The following DUOX2 variants were observed in gnomAD, a reference collection of about 807,000 sequenced individuals.
The protein encoded by DUOX2 is dual oxidase 2, also known as NADH/NADPH thyroid oxidase p138-tox.
Under a neutral mutation model 183.3 loss-of-function variants are expected in DUOX2, and 185 were observed. The observed-to-expected ratio is 1.01, with a 90% CI of 0.90 to 1.14. The LOEUF (loss-of-function observed/expected upper bound fraction) is 1.14. DUOX2 is among the 50% of genes most tolerant of loss of function. DUOX2 has a pLI of 0.00. For synonymous variants in DUOX2, 788 were observed against 812.4 expected (o/e 0.97, Z 0.51); for missense variants, 1,999 against 2,022.9 (o/e 0.99, Z 0.23).
In DUOX2 at chr15:45,099,391, C is replaced by G. The variant is rs1003699344; in HGVS notation, c.3507G>C (p.Val1169=). Residue 1169 remains valine, a synonymous_variant, in exon 26 of 34, where the codon GTG becomes GTC. Transcript: ENST00000389039. ...CCATCCCCAGAACTGACCCATCATT[C>G]ACAAAGACGTTGGGGAATATGCAGG... is the stretch of plus-strand genomic sequence containing the variant. ...LLACIFPNVF[V]NDGSKLPQKF... is the part of the protein sequence containing the mutation. 16 of 1,613,746 alleles carry G rather than the reference C, an allele frequency of 9.9e-6. No individual in the cohort carries two copies. The highest frequency in any genetic ancestry group is 8.5e-7 in the Non-Finnish European group (1 of 1,179,808).
At chr15:45,099,594 C>T in intron 25 of DUOX2, 68 bp downstream of exon 25, 2 of 1,594,978 alleles carry the variant, frequency 1.3e-6, no homozygotes, top group East Asian at 2.2e-5. Flanking sequence ...AGTTCCATCT[C>T]CCCACTGTTT....
At position 45,095,097 on chromosome 15, in the gene DUOX2, G is replaced by A; in HGVS notation, c.4240-6C>T. ...GTCACCCAGATGAAGTAGATCTGGG[G>A]ACACAGGGCTGGAGATCAGGACCCA... On this transcript the variant is annotated splice_region_variant and splice_polypyrimidine_tract_variant and intron_variant, in intron 31 of 33. Transcript: ENST00000389039. 6.2e-7 allele frequency: 1 copy of A among 1,613,106 alleles called. No homozygotes were observed. The highest frequency in any genetic ancestry group is 2.2e-5 in the East Asian group (1 of 44,876).
At chr15:45,097,891 C>T (rs1893948678) in intron 27 of DUOX2, 118 bp downstream of exon 27, 2 of 1,545,140 alleles carry the variant, frequency 1.3e-6, no homozygotes, top group Non-Finnish European at 1.8e-6. Context: ...TGAGCTGGGG[C>T]TTGTCCTGAA....
intron 14 of DUOX2, 110 bp from the exon 15 acceptor site, chr15:45,107,079 C>A: frequency 6.8e-7 from 1 of 1,474,588 alleles, no homozygotes; most frequent in Non-Finnish European, 9.3e-7. Flanking sequence ...CTTCCCCAGG[C>A]CCACCTCCCT....
chr15:45,101,126 G>C (rs919996291), intron 22 of DUOX2, 79 bp downstream of exon 22: 10 of 1,324,244 alleles, frequency 7.6e-6, no homozygotes, highest in Middle Eastern at 4.0e-4. Context: ...ACCAGGGGCT[G>C]ATCAGCCAGT....
rs1894089622 is a variant in DUOX2 at position 45,101,840 on chromosome 15, A to G, written c.2804T>C (p.Leu935Pro). The change falls in exon 21 of 34, where the codon CTC (leucine) becomes CCC (proline). Residue 935 changes from leucine to proline, a missense_variant. By Grantham distance (98) the Leu-to-Pro change is moderately conservative. Around this residue, in one of 3 missense-constraint regions of DUOX2, gnomAD observed 1,628 missense variants for 1,608.6 expected, o/e 1.01. Transcript: ENST00000389039. ...HFMLRDHDSE[L>P]RFTQLCVKGG... ...TTTGACACAGAGCTGCGTGAAGCGGAGCTCGCTGTCATGGTCCCGCAGCAT... is the reference window on the plus strand; with the variant it reads ...TTTGACACAGAGCTGCGTGAAGCGGGGCTCGCTGTCATGGTCCCGCAGCAT... 6.2e-7 allele frequency: 1 copy of G among 1,614,038 alleles called. No homozygotes were observed. Among genetic ancestry groups the G allele is most frequent in the South Asian group, 1.1e-5 (1 of 91,084 alleles).
rs190599 is a variant in DUOX2 at position 45,107,269 on chromosome 15, A to G, written c.1693+76T>C. On this transcript the variant is annotated intron_variant, in intron 14 of 33. Coordinates refer to ENST00000389039, the MANE Select transcript of DUOX2 (RefSeq NM_001363711.2). ...GTGCCTGGCTCCCTGGACAGCACCA[A>G]GTGATTCCCCCGCACCCTCAATCTT... 0.91 allele frequency: 1,433,088 copies of G among 1,574,682 alleles called. 655,794 individuals are homozygous for G. The highest frequency in any genetic ancestry group is 0.94 in the East Asian group (42,157 of 44,620).
rs769007578 is a variant in DUOX2 at position 45,097,343 on chromosome 15, T to A, written c.3742A>T (p.Ile1248Phe). 1 of 1,614,112 alleles carries A rather than the reference T, an allele frequency of 6.2e-7. No individual in the cohort carries two copies. Among genetic ancestry groups the A allele is most frequent in the African/African-American group, 1.3e-5 (1 of 74,940 alleles). ...YALIQLPTFH[I>F]YFLVPAIIYG... Reference sequence around the variant, plus strand: ...ATGATTGCCGGGACCAGGAAGTAGATGTGGAAAGTGGGCAGCTGGATCAGA... The same window carrying A: ...ATGATTGCCGGGACCAGGAAGTAGAAGTGGAAAGTGGGCAGCTGGATCAGA... Residue 1248 changes from isoleucine to phenylalanine, a missense_variant, in exon 29 of 34, where the codon ATC (isoleucine) becomes TTC (phenylalanine). Coordinates refer to ENST00000389039, the MANE Select transcript of DUOX2 (RefSeq NM_001363711.2).
chr15:45,100,934 T>C (rs1184068180), intron 22 of DUOX2, 96 bp from the exon 23 acceptor site: 4 of 843,662 alleles, frequency 4.7e-6, no homozygotes, highest in Admixed American at 4.0e-5. Context: ...GAGTGGCTCC[T>C]GGTACCAGGC....
Position 45,095,434 on chromosome 15 carries a change from C to A in DUOX2, c.4239+3G>T, listed in dbSNP as rs377517657. Reference sequence around the variant, plus strand: ...ATTTGATGAATGAGGGAGGGATGCTCACCTTCTTACACAGCATTTGGCTGC... The same window carrying A: ...ATTTGATGAATGAGGGAGGGATGCTAACCTTCTTACACAGCATTTGGCTGC... On this transcript the variant is annotated splice_donor_region_variant and intron_variant, in intron 31 of 33. Transcript: ENST00000389039. The A allele has an allele frequency of 1.3e-5, 21 of 1,614,092 alleles. No homozygotes were observed. The African/African-American group carries it at 2.5e-4, about 19-fold the overall frequency.
chr15:45,095,204 G>T, intron 31 of DUOX2, 113 bp from the exon 32 acceptor site: 1 of 1,468,168 alleles, frequency 6.8e-7, no homozygotes, highest in Non-Finnish European at 9.2e-7. Flanking sequence ...CACCAAAGCT[G>T]TGGCAGGACC....
intron 21 of DUOX2, 88 bp downstream of exon 21, chr15:45,101,705 G>C: frequency 6.4e-7 from 1 of 1,564,056 alleles, no homozygotes; most frequent in Non-Finnish European, 8.8e-7. Context: ...ACTCAGAAAA[G>C]AGTAAGACCT....
intron 22 of DUOX2, 71 bp from the exon 23 acceptor site, chr15:45,100,909 T>A (rs1894064822): frequency 8.8e-7 from 1 of 1,132,654 alleles, no homozygotes; most frequent in Non-Finnish European, 1.3e-6. Context: ...GGGCAGAGCA[T>A]GGGGTAGAGG....
intron 26 of DUOX2, 71 bp downstream of exon 26, chr15:45,099,312 C>T: frequency 1.4e-6 from 2 of 1,443,358 alleles, no homozygotes; most frequent in Non-Finnish European, 1.9e-6. Context: ...GCCCGGCCTG[C>T]CTATTTCTTT....
intron 10 of DUOX2, 123 bp from the exon 11 acceptor site, chr15:45,109,749 G>A: frequency 7.6e-7 from 1 of 1,309,914 alleles, no homozygotes. Flanking sequence ...TTGAACTGTT[G>A]TCCCCGGATA....
chr15:45,112,538 C>G lies in DUOX2; in HGVS notation c.325+16G>C. On this transcript the variant is annotated intron_variant, in intron 4 of 33. Transcript: ENST00000389039. ...AGCGCCAGATCAACCCCACTGGTCT[C>G]CCCCTTTGCCCTCACCAAAGAAGAC... is the stretch of plus-strand genomic sequence containing the variant. 3 of 1,611,656 alleles carry G rather than the reference C, an allele frequency of 1.9e-6. No homozygotes were observed.
At chr15:45,094,871 A>G in intron 32 of DUOX2, 65 bp downstream of exon 32, 1 of 1,607,614 alleles carries the variant, frequency 6.2e-7, no homozygotes. Context: ...TGCCCTGGCC[A>G]TCCTGCCTTA....
At chr15:45,109,494 A>G (rs1396594724) in intron 11 of DUOX2, 30 bp downstream of exon 11, 1 of 1,607,178 alleles carries the variant, frequency 6.2e-7, no homozygotes, top group South Asian at 1.1e-5. Flanking sequence ...CTGGTCCCTT[A>G]CCATCCACCC....
At chr15:45,107,145 C>T (rs755309170) in intron 14 of DUOX2, among the ~76,000 whole-genome samples, 176 bp from the exon 15 acceptor site, 1 of 152,222 alleles carries the variant, frequency 6.6e-6, no homozygotes, top group Non-Finnish European at 1.5e-5. Flanking sequence ...GCATCTACCC[C>T]ATCCACCCCT....
Sources: allele counts gnomAD v4.1 joint callset (sites outside exome capture counted in the v4.1 genomes callset), GRCh38; gene constraint gnomAD v4.1.1; regional missense constraint gnomAD v4.1.1; transcripts MANE v1.5; gene names NCBI Gene and HGNC (gene_info 2026-07-23, HGNC 2026-07-21).